PRKCB: variants seen among roughly 807,000 people sequenced by gnomAD.
PRKCB encodes protein kinase C beta type.
Under a neutral mutation model 81.5 loss-of-function variants are expected in PRKCB, and 13 were observed. The observed-to-expected ratio is 0.16, with a 90% CI of 0.10 to 0.25. PRKCB has a LOEUF of 0.25. Ranked by LOEUF, PRKCB falls within the 10% of genes least tolerant of loss-of-function variation. The pLI is 1.00. For synonymous variants in PRKCB, 335 were observed against 321.4 expected (o/e 1.04, Z -0.45); for missense variants, 509 against 875.7 (o/e 0.58, Z 5.29).
chr16:24,090,736 G>A (rs921304323), intron 5 of PRKCB, among the ~76,000 whole-genome samples: 1 of 152,132 alleles, frequency 6.6e-6, no homozygotes, highest in African/African-American at 2.4e-5. Context: ...ATAGAAATTG[G>A]TGTAAGATAG....
chr16:24,123,727 CAG>C, intron 8 of PRKCB, 106 bp from the exon 9 acceptor site: 1 of 1,165,772 alleles, frequency 8.6e-7, no homozygotes, highest in Non-Finnish European at 1.2e-6. Flanking sequence ...TTCATGGGGA[CAG>C]GGTGCCGGAG....
At chr16:24,208,467 C>T (rs1968081886) in intron 16 of PRKCB, 1 of 152,168 alleles carries the variant, frequency 6.6e-6, no homozygotes, top group Non-Finnish European at 1.5e-5. Flanking sequence ...AATTCAGGAG[C>T]GTAATTCAAC....
chr16:24,096,166 T>C (rs1052953772), intron 7 of PRKCB, among the ~76,000 whole-genome samples: 3 of 151,930 alleles, frequency 2.0e-5, no homozygotes, highest in Non-Finnish European at 4.4e-5. Flanking sequence ...TGTGCTGGCA[T>C]GTGAGGATCA....
chr16:24,036,726 G>A (rs1330854598), intron 5 of PRKCB, among the ~76,000 whole-genome samples: 2 of 152,070 alleles, frequency 1.3e-5, no homozygotes, highest in Admixed American at 6.5e-5. Flanking sequence ...CCAAGTGGTC[G>A]CCTGCCTCCC....
chr16:23,905,130 A>G (rs556239963), intron 2 of PRKCB, among the ~76,000 whole-genome samples: 1 of 144,836 alleles, frequency 6.9e-6, no homozygotes, highest in East Asian at 2.0e-4. Context: ...CATTGCTTCC[A>G]TTTAGAGAAG....
intron 2 of PRKCB, among the ~76,000 whole-genome samples, chr16:23,892,765 G>T (rs1337979137): frequency 1.3e-5 from 2 of 152,134 alleles, no homozygotes; most frequent in African/African-American, 4.8e-5. Context: ...GACCCATTTT[G>T]CAGAGGAAGA....
At chr16:24,160,904 G>T (rs1407958407) in intron 10 of PRKCB, among the ~76,000 whole-genome samples, 1 of 152,152 alleles carries the variant, frequency 6.6e-6, no homozygotes, top group East Asian at 1.9e-4. Flanking sequence ...AATGCCCGCG[G>T]CATGAGCATG....
chr16:23,878,371 C>T (rs1963050131), intron 2 of PRKCB, among the ~76,000 whole-genome samples: 1 of 152,154 alleles, frequency 6.6e-6, no homozygotes, highest in African/African-American at 2.4e-5. Context: ...CAACAGCACT[C>T]CAACTCGTGC....
At chr16:23,850,595 C>A (rs980402244) in intron 2 of PRKCB, among the ~76,000 whole-genome samples, 1 of 152,118 alleles carries the variant, frequency 6.6e-6, no homozygotes, top group Non-Finnish European at 1.5e-5. Context: ...AAACTCCTGA[C>A]CTCAGGTGAT....
At chr16:24,211,192 A>T (rs1350843927) in intron 16 of PRKCB, among the ~76,000 whole-genome samples, 2 of 152,226 alleles carry the variant, frequency 1.3e-5, no homozygotes, top group Non-Finnish European at 2.9e-5. Flanking sequence ...TTAGCTTGGA[A>T]TGACAAATAG....
intron 2 of PRKCB, among the ~76,000 whole-genome samples, chr16:23,965,702 G>A (rs930110650): frequency 9.2e-5 from 14 of 152,198 alleles, no homozygotes; most frequent in African/African-American, 3.1e-4. Flanking sequence ...AGTCATCTGT[G>A]TATTTTCTAA....
intron 2 of PRKCB, among the ~76,000 whole-genome samples, chr16:23,985,781 A>G (rs1384562956): frequency 2.0e-5 from 3 of 152,200 alleles, no homozygotes; most frequent in Non-Finnish European, 2.9e-5. Context: ...TGTTGAAAAT[A>G]AGGATAATGA....
At chr16:24,114,411 A>T (rs1966713311) in intron 8 of PRKCB, among the ~76,000 whole-genome samples, 1 of 151,910 alleles carries the variant, frequency 6.6e-6, no homozygotes, top group South Asian at 2.1e-4. Flanking sequence ...TGTGCTAATG[A>T]CTTCATGAAA....
intron 2 of PRKCB, among the ~76,000 whole-genome samples, chr16:23,889,366 AT>A (rs1963255851): frequency 6.6e-6 from 1 of 152,254 alleles, no homozygotes; most frequent in Admixed American, 6.5e-5. Context: ...ACCTTACGGC[AT>A]TATAAAGGTT....
At chr16:24,180,235 G>A (rs1967597916) in intron 12 of PRKCB, among the ~76,000 whole-genome samples, 1 of 152,152 alleles carries the variant, frequency 6.6e-6, no homozygotes, top group Non-Finnish European at 1.5e-5. Context: ...GAGCCAATGT[G>A]CCCTGCCAAA....
At chr16:24,044,149 G>T (rs1053077093) in intron 5 of PRKCB, among the ~76,000 whole-genome samples, 1 of 152,068 alleles carries the variant, frequency 6.6e-6, no homozygotes, top group Non-Finnish European at 1.5e-5. Flanking sequence ...GAGGCCAGGA[G>T]TTCCAAACCA....
At chr16:24,110,282 G>A (rs1277904000) in intron 7 of PRKCB, among the ~76,000 whole-genome samples, 1 of 151,834 alleles carries the variant, frequency 6.6e-6, no homozygotes, top group African/African-American at 2.4e-5. Context: ...AGCAATCTCG[G>A]TTCACTGCAA....
At chr16:24,007,330 C>T (rs1356624533) in intron 3 of PRKCB, among the ~76,000 whole-genome samples, 3 of 152,174 alleles carry the variant, frequency 2.0e-5, no homozygotes, top group Admixed American at 6.5e-5. Flanking sequence ...AAAGTCCATC[C>T]TTATTTTTGG....
chr16:24,177,716 G>A (rs557825339), intron 12 of PRKCB, among the ~76,000 whole-genome samples: 6 of 152,296 alleles, frequency 3.9e-5, no homozygotes, highest in East Asian at 1.9e-4. Flanking sequence ...TTAGGGCTTC[G>A]TGGAACAAGG....
Sources: gnomAD v4.1 joint callset for allele counts (sites outside exome capture counted in the v4.1 genomes callset) on GRCh38, gnomAD v4.1.1 for gene constraint, MANE v1.5 for transcripts, NCBI Gene and HGNC (gene_info 2026-07-23, HGNC 2026-07-21) for gene names.